ARID2: variants seen among roughly 807,000 people sequenced by gnomAD.
ARID2 encodes AT-rich interactive domain-containing protein 2.
ARID2 carries 32 observed loss-of-function variants against 184.6 expected under a neutral mutation model. The ratio of observed to expected loss-of-function variants is 0.17; its 90% CI spans 0.13 to 0.23. The LOEUF (loss-of-function observed/expected upper bound fraction) is 0.23. Ranked by LOEUF, ARID2 falls within the 10% of genes least tolerant of loss-of-function variation. ARID2 has a pLI of 1.00. For synonymous variants in ARID2, 836 were observed against 772.6 expected (o/e 1.08, Z -1.36); for missense variants, 1,696 against 2,197.6 (o/e 0.77, Z 4.56).
At chr12:45,849,106 TGTG>T in intron 13 of ARID2, 136 bp downstream of exon 13, 1 of 943,976 alleles carries the variant, frequency 1.1e-6, no homozygotes, top group Non-Finnish European at 1.5e-6. Context: ...TAGGTTATAG[TGTG>T]GTGGAGGTTT....
In ARID2 at chr12:45,904,965, G is replaced by T; in HGVS notation, c.5395G>T (p.Val1799Leu). ...AAAGAGACATGAAAATAACTTATCA[G>T]TGCTAGCCATTAGTAACATGGAAGC... ...LLKRHENNLS[V>L]LAISNMEASS... The change falls in exon 21 of 21, where the codon GTG becomes TTG. Residue 1799 changes from valine (V) to leucine (L), a missense_variant. This residue lies in a region of ARID2 where 69 missense variants were observed against 118.2 expected (regional missense o/e 0.58). Transcript: ENST00000334344. The T allele has an allele frequency of 1.2e-6, 2 of 1,613,916 alleles. No individual in the cohort carries two copies. The highest frequency in any genetic ancestry group is 1.7e-6 in the Non-Finnish European group (2 of 1,179,966).
chr12:45,811,579 A>G (rs369618474), intron 4 of ARID2, 28 bp downstream of exon 4: 1 of 1,607,066 alleles, frequency 6.2e-7, no homozygotes, highest in Non-Finnish European at 8.5e-7. Flanking sequence ...TTAACAGGAT[A>G]TATGTCCGCA....
intron 3 of ARID2, among the ~76,000 whole-genome samples, chr12:45,760,577 A>G (rs1376286489): frequency 6.6e-6 from 1 of 151,988 alleles, no homozygotes; most frequent in East Asian, 1.9e-4. Flanking sequence ...TTGCTTATGT[A>G]CATTGAGACT....
intron 16 of ARID2, among the ~76,000 whole-genome samples, chr12:45,867,817 C>G (rs1041815899): frequency 6.6e-6 from 1 of 151,770 alleles, no homozygotes; most frequent in Non-Finnish European, 1.5e-5. Flanking sequence ...TCTTGAACTC[C>G]TGGTCTCAAG....
chr12:45,904,956 A>G lies in ARID2; in HGVS notation c.5386A>G (p.Asn1796Asp). 6.2e-7 allele frequency: 1 copy of G among 1,613,908 alleles called. No individual in the cohort carries two copies. Among genetic ancestry groups the G allele is most frequent in the South Asian group, 1.1e-5 (1 of 91,040 alleles). The change falls in exon 21 of 21, where the codon AAC becomes GAC. Residue 1796 changes from asparagine (N) to aspartate (D), a missense_variant. This residue lies in a region of ARID2 where 69 missense variants were observed against 118.2 expected (regional missense o/e 0.58). Coordinates refer to ENST00000334344, the MANE Select transcript of ARID2 (RefSeq NM_152641.4). ...GRRLLKRHENNLSVLAISNME... is the reference protein window; with the variant it reads ...GRRLLKRHENDLSVLAISNME... ...CAGATTGTTAAAGAGACATGAAAAT[A>G]ACTTATCAGTGCTAGCCATTAGTAA...
intron 3 of ARID2, 29 bp from the exon 4 acceptor site, chr12:45,811,389 A>G (rs1339539979): frequency 1.3e-6 from 2 of 1,589,334 alleles, no homozygotes; most frequent in Admixed American, 1.8e-5. Flanking sequence ...CTATTTTTAA[A>G]TGTTTGCTGT....
intron 3 of ARID2, among the ~76,000 whole-genome samples, chr12:45,753,032 G>T (rs1037868816): frequency 1.3e-5 from 2 of 151,946 alleles, no homozygotes; most frequent in Non-Finnish European, 2.9e-5. Context: ...AGGCTGAGGC[G>T]GGCGGATCAC....
chr12:45,828,969 T>G (rs1400858955), intron 6 of ARID2, among the ~76,000 whole-genome samples: 1 of 152,064 alleles, frequency 6.6e-6, no homozygotes, highest in African/African-American at 2.4e-5. Flanking sequence ...TGGCCATTTT[T>G]TAGTTCTAGT....
intron 6 of ARID2, among the ~76,000 whole-genome samples, chr12:45,821,786 C>T (rs574375024): frequency 3.3e-5 from 5 of 152,166 alleles, no homozygotes; most frequent in South Asian, 4.1e-4. Context: ...AGGAAGTTTT[C>T]GTTTTTATGT....
At chr12:45,822,267 TGAG>T (rs1185027347) in intron 6 of ARID2, among the ~76,000 whole-genome samples, 6 of 152,146 alleles carry the variant, frequency 3.9e-5, no homozygotes, top group Non-Finnish European at 8.8e-5. Flanking sequence ...CTTAGGAGGC[TGAG>T]GTGGGAAAAT....
In ARID2 at chr12:45,855,708, TTTA is replaced by T. The variant is rs1489274650; in HGVS notation, c.4773+2813_4773+2815del. 3.9e-5 allele frequency among the ~76,000 whole-genome samples: 6 copies of T among 152,134 alleles called. No homozygotes were observed. In the East Asian group the frequency reaches 5.8e-4, roughly 15 times the overall value. ...CCATAACCATTATTGCCCCCATCCT[TTTA>T]ATTTCTTTCTTTTTTGGGTGGGGAA... is the stretch of plus-strand genomic sequence containing the variant. On this transcript the variant is annotated intron_variant, in intron 15 of 20. Transcript: ENST00000334344.
In ARID2 at chr12:45,836,727, A is replaced by G. The variant is rs151327096; in HGVS notation, c.773-14A>G. On this transcript the variant is annotated splice_polypyrimidine_tract_variant and intron_variant, in intron 7 of 20. Coordinates refer to ENST00000334344, the MANE Select transcript of ARID2 (RefSeq NM_152641.4). ...AAATGAAATATTAAGTGAAATATGT[A>G]TTTTCTATTGTAGAAGGTACATCAG... is the stretch of plus-strand genomic sequence containing the variant. The G allele has an allele frequency of 1.6e-5, 26 of 1,602,756 alleles. No individual in the cohort carries two copies. The highest frequency in any genetic ancestry group is 2.1e-5 in the Non-Finnish European group (25 of 1,174,582).
intron 16 of ARID2, among the ~76,000 whole-genome samples, chr12:45,880,257 T>C (rs1384177072): frequency 6.6e-6 from 1 of 152,230 alleles, no homozygotes; most frequent in Non-Finnish European, 1.5e-5. Context: ...AATTGCATTA[T>C]TGAAAGTCAA....
At chr12:45,858,869 A>C (rs1943697306) in intron 15 of ARID2, among the ~76,000 whole-genome samples, 3 of 152,174 alleles carry the variant, frequency 2.0e-5, no homozygotes. Flanking sequence ...TTCTTATTGT[A>C]AAATCTTAAG....
At chr12:45,827,404 A>C (rs768697409) in intron 6 of ARID2, among the ~76,000 whole-genome samples, 10 of 152,156 alleles carry the variant, frequency 6.6e-5, no homozygotes, top group Admixed American at 2.6e-4. Flanking sequence ...TATTTGGTAA[A>C]ATATTTTGTA....
intron 3 of ARID2, among the ~76,000 whole-genome samples, chr12:45,768,712 G>T (rs955785568): frequency 3.3e-5 from 5 of 152,140 alleles, no homozygotes; most frequent in African/African-American, 1.2e-4. Flanking sequence ...GAAATGAAGA[G>T]CTGGGAGGAG....
intron 16 of ARID2, among the ~76,000 whole-genome samples, chr12:45,884,639 G>A (rs1243090808): frequency 2.0e-5 from 3 of 152,170 alleles, no homozygotes; most frequent in African/African-American, 7.2e-5. Flanking sequence ...GAAGGTCAAA[G>A]AGCAAATACA....
rs745847137 is a variant in ARID2 at position 45,730,156 on chromosome 12, T to C, written c.186+19T>C. 2 of 1,610,506 alleles carry C rather than the reference T, an allele frequency of 1.2e-6. No individual in the cohort carries two copies. Among genetic ancestry groups the C allele is most frequent in the Non-Finnish European group, 1.7e-6 (2 of 1,177,990 alleles). On this transcript the variant is annotated intron_variant, in intron 2 of 20. Transcript: ENST00000334344. ...CGCGAAGGTGAGTGGAAGTTTTAAT[T>C]TGTATTTCCCTCTCGCTGGCCTCCT...
At chr12:45,733,348 T>C (rs1454677376) in intron 3 of ARID2, among the ~76,000 whole-genome samples, 2 of 152,140 alleles carry the variant, frequency 1.3e-5, no homozygotes, top group African/African-American at 4.8e-5. Context: ...CTCTGAAAAA[T>C]CTTAATTGGC....
Sources: allele counts gnomAD v4.1 joint callset (sites outside exome capture counted in the v4.1 genomes callset), GRCh38; gene constraint gnomAD v4.1.1; regional missense constraint gnomAD v4.1.1; transcripts MANE v1.5; gene names NCBI Gene and HGNC (gene_info 2026-07-23, HGNC 2026-07-21).